EXOSC10: variants seen among roughly 807,000 people sequenced by gnomAD.
EXOSC10 encodes exosome complex component 10.
Under a neutral mutation model 126.6 loss-of-function variants are expected in EXOSC10, and 94 were observed. That is an observed-to-expected ratio of 0.74 (90% CI 0.63 to 0.88). The LOEUF is 0.88. EXOSC10 is among the 40% of genes least tolerant of loss of function. The pLI is 0.00. For synonymous variants in EXOSC10, 395 were observed against 400.8 expected (o/e 0.99, Z 0.17); for missense variants, 1,041 against 1,100.5 (o/e 0.95, Z 0.77).
chr1:11,094,657 G>A (rs1332166646), intron 3 of EXOSC10, among the ~76,000 whole-genome samples: 8 of 142,720 alleles, frequency 5.6e-5, no homozygotes, highest in Admixed American at 4.9e-4. Flanking sequence ...CTGGAGTGCA[G>A]TGGCATGATC....
intron 17 of EXOSC10, among the ~76,000 whole-genome samples, chr1:11,075,407 T>A (rs1639752834): frequency 6.6e-6 from 1 of 152,182 alleles, no homozygotes; most frequent in African/African-American, 2.4e-5. Flanking sequence ...ATATGTGCTA[T>A]CCTTTTGCTT....
At chr1:11,076,986 A>G in intron 16 of EXOSC10, 38 bp from the exon 17 acceptor site, 1 of 1,531,104 alleles carries the variant, frequency 6.5e-7, no homozygotes, top group Non-Finnish European at 9.0e-7. Context: ...AAGCCTACAG[A>G]ATTTTGTTTA....
At chr1:11,077,572 T>C (rs2273340) in intron 15 of EXOSC10, 29 bp downstream of exon 15, 21,030 of 1,613,258 alleles carry the variant, frequency 0.013, 900 homozygotes, top group African/African-American at 0.099. Flanking sequence ...TTTTCCCTCC[T>C]GGGGGAGAAA....
At chr1:11,071,038 A>ATCCCCC in intron 20 of EXOSC10, 65 bp from the exon 21 acceptor site, 1 of 1,487,910 alleles carries the variant, frequency 6.7e-7, no homozygotes, top group Non-Finnish European at 9.3e-7. Flanking sequence ...CTCCATCTCC[A>ATCCCCC]TCCCCCTCCG....
In EXOSC10 at chr1:11,068,033, A is replaced by T; in HGVS notation, c.2602T>A (p.Ser868Thr). Residue 868 changes from serine (S) to threonine (T), a missense_variant, in exon 24 of 25, where the codon TCC becomes ACC. Transcript: ENST00000376936. ...IKQSVGNKSM[S>T]FPTGKSDRGF... ...CTGTCTGACTTTCCAGTTGGAAAGGACATGCTTTTGTTTCCCACCGACTGT... is the reference window on the plus strand; with the variant it reads ...CTGTCTGACTTTCCAGTTGGAAAGGTCATGCTTTTGTTTCCCACCGACTGT... 1 of 1,614,170 alleles carries T rather than the reference A, an allele frequency of 6.2e-7. No individual in the cohort carries two copies. The highest frequency in any genetic ancestry group is 1.1e-5 in the South Asian group (1 of 91,076).
chr1:11,081,445 G>A (rs934399623), intron 10 of EXOSC10, among the ~76,000 whole-genome samples: 1 of 152,222 alleles, frequency 6.6e-6, no homozygotes, highest in Admixed American at 6.5e-5. Flanking sequence ...GCAGGGTAAT[G>A]CGGTGGTTAA....
At chr1:11,079,972 C>G (rs746552416) in intron 13 of EXOSC10, 150 bp from the exon 14 acceptor site, 3 of 645,866 alleles carry the variant, frequency 4.6e-6, no homozygotes, top group Non-Finnish European at 8.3e-6. Context: ...GTCAGGCCAG[C>G]CTAGGCCAAC....
At position 11,074,017 on chromosome 1, in the gene EXOSC10, A is replaced by T; in HGVS notation, c.2083-9T>A. 1 of 1,613,688 alleles carries T rather than the reference A, an allele frequency of 6.2e-7. No homozygotes were observed. The highest frequency in any genetic ancestry group is 1.1e-5 in the South Asian group (1 of 91,072). On this transcript the variant is annotated splice_polypyrimidine_tract_variant and intron_variant, in intron 18 of 24. Transcript: ENST00000376936. ...CCCAGTGAGGGCAGAAACTGGAGGA[A>T]GGAAATGGCTGTGTGAAACGCTGCC...
rs1350012491 is a variant in EXOSC10 at position 11,082,747 on chromosome 1, C to A, written c.1221G>T (p.Leu407=). The stretch of plus-strand genomic sequence containing the variant: ...TTGAGTCCACGTTGCAGTAGAGTTT[C>A]AGGAGATGATCGAGTGAGTGCCTGC... ...NLGRHSLDHL[L]KLYCNVDSNK... Residue 407 remains leucine (L), a synonymous_variant, in exon 10 of 25, where the codon CTG becomes CTT. Coordinates refer to ENST00000376936, the MANE Select transcript of EXOSC10 (RefSeq NM_001001998.3). 4 of 1,614,078 alleles carry A rather than the reference C, an allele frequency of 2.5e-6. No homozygotes were observed. Among genetic ancestry groups the A allele is most frequent in the Non-Finnish European group, 3.4e-6 (4 of 1,180,034 alleles).
In EXOSC10 at chr1:11,087,607, G is replaced by C; in HGVS notation, c.946-16C>G. 1 of 1,612,690 alleles carries C rather than the reference G, an allele frequency of 6.2e-7. No individual in the cohort carries two copies. Among genetic ancestry groups the C allele is most frequent in the Non-Finnish European group, 8.5e-7 (1 of 1,179,368 alleles). The stretch of plus-strand genomic sequence containing the variant: ...AAGAGTGGTGCTAAACCCCACAGAA[G>C]GAGGGGAGAAGAGGAAAAACAAAGA... On this transcript the variant is annotated splice_polypyrimidine_tract_variant and intron_variant, in intron 8 of 24. Coordinates refer to ENST00000376936, the MANE Select transcript of EXOSC10 (RefSeq NM_001001998.3).
In EXOSC10 at chr1:11,078,403, G is replaced by A. The variant is rs1047962962; in HGVS notation, c.1750-752C>T. On this transcript the variant is annotated intron_variant, in intron 14 of 24. Coordinates refer to ENST00000376936, the MANE Select transcript of EXOSC10 (RefSeq NM_001001998.3). ...CTCCCAAGTAGCTGGGACTACAGGC[G>A]CCCGCCACTACGCCTGGCTAATTTT... 1.2e-3 allele frequency among the ~76,000 whole-genome samples: 187 copies of A among 151,386 alleles called. 2 individuals are homozygous for A. Among genetic ancestry groups the A allele is most frequent in the Non-Finnish European group, 2.1e-3 (142 of 67,668 alleles).
intron 21 of EXOSC10, 47 bp from the exon 22 acceptor site, chr1:11,069,777 G>A (rs1320421512): frequency 1.3e-6 from 2 of 1,598,342 alleles, no homozygotes; most frequent in Admixed American, 1.7e-5. Flanking sequence ...AGGCACATGG[G>A]AACAGGGAAC....
rs987123443 is a variant in EXOSC10 at position 11,081,071 on chromosome 1, C to T, written c.1437+11G>A. On this transcript the variant is annotated intron_variant, in intron 11 of 24. Transcript: ENST00000376936. ...AGTGTCGCGGTCTGTGTGACTGCGG[C>T]TGAGGTGTACCTTGAGGCAGATGTC... 6.2e-7 allele frequency: 1 copy of T among 1,613,740 alleles called. No individual in the cohort carries two copies. Among genetic ancestry groups the T allele is most frequent in the Non-Finnish European group, 8.5e-7 (1 of 1,179,854 alleles).
At chr1:11,069,377 T>C (rs2748878) in intron 22 of EXOSC10, among the ~76,000 whole-genome samples, 182 bp downstream of exon 22, 91,130 of 151,154 alleles carry the variant, frequency 0.6, 30,757 homozygotes, top group East Asian at 0.78. Flanking sequence ...ATGGAGGAGG[T>C]GGTAATGAGG....
chr1:11,077,310 C>T, intron 16 of EXOSC10, 55 bp downstream of exon 16: 1 of 1,552,894 alleles, frequency 6.4e-7, no homozygotes, highest in Non-Finnish European at 8.8e-7. Context: ...GAATTTTAGA[C>T]AAGGTAGCTG....
intron 19 of EXOSC10, among the ~76,000 whole-genome samples, chr1:11,073,391 C>CA (rs1482519967): frequency 6.6e-6 from 1 of 152,148 alleles, no homozygotes; most frequent in Non-Finnish European, 1.5e-5. Flanking sequence ...CTCGGCCTCT[C>CA]AAAGTGCTGG....
At chr1:11,072,340 T>C (rs985763458) in intron 19 of EXOSC10, 169 bp from the exon 20 acceptor site, 10 of 573,560 alleles carry the variant, frequency 1.7e-5, no homozygotes, top group South Asian at 4.1e-5. Context: ...GCTGGCTTTA[T>C]TGCTAAAATC....
At position 11,088,215 on chromosome 1, in the gene EXOSC10, A is replaced by G. The variant is rs1425044168; in HGVS notation, c.759-17T>C. On this transcript the variant is annotated splice_polypyrimidine_tract_variant and intron_variant, in intron 6 of 24. Coordinates refer to ENST00000376936, the MANE Select transcript of EXOSC10 (RefSeq NM_001001998.3). ...TGTGCAAACCTGAGTAAATAAAACA[A>G]AAAGAGAAATCATTCTGATTAATTC... 8 of 1,577,422 alleles carry G rather than the reference A, an allele frequency of 5.1e-6. No homozygotes were observed. Among genetic ancestry groups the G allele is most frequent in the Non-Finnish European group, 6.1e-6 (7 of 1,153,604 alleles).
intron 1 of EXOSC10, 76 bp downstream of exon 1, chr1:11,099,645 T>C (rs1641321510): frequency 1.4e-6 from 2 of 1,432,244 alleles, no homozygotes; most frequent in Non-Finnish European, 9.2e-7. Context: ...GGGCGGGCAT[T>C]GGCTGCCCAG....
Sources: gnomAD v4.1 joint callset for allele counts (sites outside exome capture counted in the v4.1 genomes callset) on GRCh38, gnomAD v4.1.1 for gene constraint, MANE v1.5 for transcripts, NCBI Gene and HGNC (gene_info 2026-07-23, HGNC 2026-07-21) for gene names.